The following DLGAP4 variants were observed in gnomAD, a reference collection of about 807,000 sequenced individuals.
DLGAP4 encodes DLG associated protein 4, also known as disks large-associated protein 4.
DLGAP4 carries 18 observed loss-of-function variants against 86.9 expected under a neutral mutation model. The observed-to-expected ratio is 0.21, with a 90% CI of 0.14 to 0.31. The LOEUF is 0.31. Among genes scored for constraint, DLGAP4 ranks in the 10% least tolerant of loss-of-function variants. DLGAP4 has a pLI of 1.00. For synonymous variants in DLGAP4, 548 were observed against 574.3 expected (o/e 0.95, Z 0.65); for missense variants, 1,085 against 1,362.6 (o/e 0.80, Z 3.21).
At chr20:36,497,873 T>C (rs2035956084) in intron 8 of DLGAP4, 1 of 156,898 alleles carries the variant, frequency 6.4e-6, no homozygotes, top group African/African-American at 2.4e-5. Context: ...TTTAAGAGTT[T>C]CTCTAAATCC....
At chr20:36,307,118 C>G (rs1299405622) in intron 1 of DLGAP4, among the ~76,000 whole-genome samples, 4 of 152,140 alleles carry the variant, frequency 2.6e-5, no homozygotes, top group African/African-American at 9.6e-5. Context: ...GCAGCACCCC[C>G]CTCCCGCGCT....
chr20:36,341,617 C>T (rs562783218), intron 1 of DLGAP4, among the ~76,000 whole-genome samples: 3 of 152,240 alleles, frequency 2.0e-5, no homozygotes, highest in Non-Finnish European at 4.4e-5. Context: ...CTGAAGGGCA[C>T]GCGGCTCCCG....
chr20:36,367,587 A>T (rs2030736549), intron 2 of DLGAP4, among the ~76,000 whole-genome samples: 1 of 152,208 alleles, frequency 6.6e-6, no homozygotes, highest in African/African-American at 2.4e-5. Context: ...TGCCACACCC[A>T]AGCAGGCGGG....
chr20:36,332,214 G>A (rs1455379070), intron 1 of DLGAP4, among the ~76,000 whole-genome samples: 1 of 152,032 alleles, frequency 6.6e-6, no homozygotes, highest in Non-Finnish European at 1.5e-5. Context: ...GCAGGAGGCT[G>A]GGCTGGGCAA....
At chr20:36,430,971 AAAAG>A (rs2072284247) in intron 2 of DLGAP4, among the ~76,000 whole-genome samples, 1 of 151,614 alleles carries the variant, frequency 6.6e-6, no homozygotes, top group South Asian at 2.1e-4. Flanking sequence ...AAAAAAAAAA[AAAAG>A]ACCTCTCTGG....
At chr20:36,435,663 C>G (rs866835737) in intron 3 of DLGAP4, among the ~76,000 whole-genome samples, 5 of 152,346 alleles carry the variant, frequency 3.3e-5, no homozygotes, top group Non-Finnish European at 4.4e-5. Flanking sequence ...GTGCCAGGGT[C>G]GTCTGATCCC....
intron 7 of DLGAP4, among the ~76,000 whole-genome samples, chr20:36,472,500 C>CAAAAAAAA (rs1217814412): frequency 1.3e-5 from 1 of 76,352 alleles, no homozygotes. Flanking sequence ...AACCCTGTCT[C>CAAAAAAAA]AAAAAAAAAA....
intron 10 of DLGAP4, among the ~76,000 whole-genome samples, chr20:36,501,880 A>G (rs1025956960): frequency 1.3e-5 from 2 of 152,198 alleles, no homozygotes; most frequent in Non-Finnish European, 2.9e-5. Flanking sequence ...AACTTTTTAC[A>G]ATAATAGTAT....
At chr20:36,317,525 C>A (rs1187719112) in intron 1 of DLGAP4, among the ~76,000 whole-genome samples, 1 of 141,934 alleles carries the variant, frequency 7.0e-6, no homozygotes. Flanking sequence ...ATGATCATAG[C>A]TCACTGCAGC....
chr20:36,347,971 A>T (rs75446894), intron 1 of DLGAP4, among the ~76,000 whole-genome samples: 1 of 152,246 alleles, frequency 6.6e-6, no homozygotes, highest in African/African-American at 2.4e-5. Context: ...TGCCTTCCAT[A>T]GAATGGAGCT....
intron 1 of DLGAP4, among the ~76,000 whole-genome samples, chr20:36,311,376 G>A (rs945986034): frequency 3.1e-4 from 47 of 152,182 alleles, no homozygotes; most frequent in Admixed American, 7.8e-4. Flanking sequence ...GCTGGGTTTC[G>A]CAACGCCGCC....
chr20:36,348,804 TAAAG>T (rs2030031224), intron 1 of DLGAP4, among the ~76,000 whole-genome samples: 1 of 151,742 alleles, frequency 6.6e-6, no homozygotes, highest in East Asian at 1.9e-4. Flanking sequence ...AAATCAGGAA[TAAAG>T]AGTGATATGG....
In DLGAP4 at chr20:36,527,231, C is replaced by CA. The variant is rs201965236; in HGVS notation, c.*208dup. ...CTTTAGGTTATGAAGATTTTACTCA[C>CA]AAAAAAAATCAACAAAAATCACGAA... On this transcript the variant is annotated 3_prime_UTR_variant, in exon 13 of 13. Transcript: ENST00000339266. The CA allele has an allele frequency of 3.1e-3, 1,463 of 470,690 alleles. 40 individuals carry two copies. In the East Asian group the frequency reaches 0.042, roughly 13 times the overall value. 29.2% of individuals were successfully genotyped at this position (470,690 alleles called of 1,614,324 possible).
At chr20:36,409,076 C>A (rs1388837664) in intron 2 of DLGAP4, among the ~76,000 whole-genome samples, 1 of 138,682 alleles carries the variant, frequency 7.2e-6, no homozygotes, top group African/African-American at 2.6e-5. Context: ...CGCTCTGTCA[C>A]CCAGGCTGGA....
chr20:36,310,873 C>T (rs1437955386), intron 1 of DLGAP4, among the ~76,000 whole-genome samples: 2 of 152,100 alleles, frequency 1.3e-5, no homozygotes, highest in African/African-American at 4.8e-5. Flanking sequence ...AAGCTGTCAC[C>T]GAGGAGTCCT....
chr20:36,351,366 T>C (rs1459492820), intron 1 of DLGAP4, among the ~76,000 whole-genome samples: 1 of 152,142 alleles, frequency 6.6e-6, no homozygotes. Context: ...ATCCACCTCC[T>C]GTTAGATCAG....
chr20:36,500,780 CTAT>C lies in DLGAP4; in HGVS notation c.2512+171_2512+173del, dbSNP rs1317779041. Among the ~76,000 whole-genome samples the C allele has an allele frequency of 6.6e-6, 1 of 152,146 alleles. No individual in the cohort carries two copies. Among genetic ancestry groups the C allele is most frequent in the African/African-American group, 2.4e-5 (1 of 41,414 alleles). ...TCTTCGCATTCTTCCATCCATCCAC[CTAT>C]TTAACCAAACCTCTTTCCAGAAAGG... is the stretch of plus-strand genomic sequence containing the variant. On this transcript the variant is annotated intron_variant, in intron 10 of 12. Transcript: ENST00000339266. This position sits in a 1 kb window ranked among gnomAD's most constrained non-coding sequence, Gnocchi z 4.6.
intron 7 of DLGAP4, among the ~76,000 whole-genome samples, chr20:36,456,999 G>A (rs1335943485): frequency 6.6e-6 from 1 of 152,190 alleles, no homozygotes; most frequent in Non-Finnish European, 1.5e-5. Flanking sequence ...TGTGTTGTAG[G>A]TACCATCAGT....
intron 2 of DLGAP4, among the ~76,000 whole-genome samples, chr20:36,414,041 T>C (rs750870785): frequency 2.0e-5 from 3 of 152,112 alleles, no homozygotes; most frequent in African/African-American, 7.2e-5. Context: ...GTTTACAAGC[T>C]CTTTCCTATC....
Sources: allele counts gnomAD v4.1 joint callset (sites outside exome capture counted in the v4.1 genomes callset), GRCh38; gene constraint gnomAD v4.1.1; non-coding constraint Gnocchi (gnomAD v3.1); transcripts MANE v1.5; gene names NCBI Gene and HGNC (gene_info 2026-07-23, HGNC 2026-07-21).